MGAM: variants seen among roughly 807,000 people sequenced by gnomAD.
The protein encoded by MGAM is alpha-1,4-glucosidase.
In MGAM, 253 loss-of-function variants were observed where a neutral mutation model predicts 358.8. The ratio of observed to expected loss-of-function variants is 0.71; its 90% confidence interval spans 0.64 to 0.78. The LOEUF is 0.78. MGAM is among the 30% of genes least tolerant of loss of function. The probability of loss-of-function intolerance (pLI) is 0.00; values close to 1 mark genes in which losing one functional copy is unlikely to be tolerated. For missense variants in MGAM, 3,080 were observed against 3,432.6 expected (o/e 0.90, Z 2.57); for synonymous variants, 1,105 against 1,227.1 (o/e 0.90, Z 2.08).
chr7:142,035,344 A>G (rs1404373320), intron 16 of MGAM, among the ~76,000 whole-genome samples: 1 of 152,200 alleles, frequency 6.6e-6, no homozygotes, highest in East Asian at 1.9e-4. Flanking sequence ...CTTTGCCCCA[A>G]GGGTTTACAG....
chr7:142,086,844 G>C (rs376776643), intron 57 of MGAM, 127 bp downstream of exon 57: 4 of 437,844 alleles, frequency 9.1e-6, no homozygotes, highest in South Asian at 2.9e-5. Context: ...GGGCATGTGT[G>C]TTGGATGTCA....
chr7:141,992,067 A>G (rs144907875), upstream of MGAM, among the ~76,000 whole-genome samples: 24 of 152,298 alleles, frequency 1.6e-4, no homozygotes, highest in Non-Finnish European at 2.4e-4. Context: ...AGAGATTGGC[A>G]TATTTGAATG....
chr7:142,055,868 T>C, intron 28 of MGAM, 132 bp from the exon 29 acceptor site: 1 of 1,459,108 alleles, frequency 6.9e-7, no homozygotes, highest in Non-Finnish European at 9.3e-7. Flanking sequence ...CTCCTTTGTT[T>C]CATGTGTTTA....
Position 142,093,328 on chromosome 7 carries a change from G to C in MGAM, c.7034-84G>C. 7.6e-6 allele frequency: 11 copies of C among 1,439,054 alleles called. 1 individual carries two copies. In the South Asian group the frequency reaches 1.1e-4, roughly 14 times the overall value. The allele number at this position is 1,439,054 out of a possible 1,614,324, so 89.1% of individuals were successfully genotyped here. On this transcript the variant is annotated intron_variant, in intron 59 of 70. Coordinates refer to ENST00000475668, the MANE Select transcript of MGAM (RefSeq NM_001365693.1). ...CAGGCAGGACTGAAGTTAGTCTTAA[G>C]ATCCAGGGCCCAGTCCCTTGAAGAG...
chr7:142,041,880 ATACG>A (rs1230828256), intron 21 of MGAM, among the ~76,000 whole-genome samples: 4 of 82,268 alleles, frequency 4.9e-5, no homozygotes, highest in South Asian at 3.3e-4. Flanking sequence ...TATTATATAT[ATACG>A]TATAATATAT....
chr7:142,053,636 C>A (rs1361708547), intron 26 of MGAM, among the ~76,000 whole-genome samples: 1 of 152,118 alleles, frequency 6.6e-6, no homozygotes, highest in Non-Finnish European at 1.5e-5. Flanking sequence ...AACTAAGCTT[C>A]TCAAGGACAG....
chr7:142,066,830 A>G, intron 41 of MGAM, 109 bp downstream of exon 41: 1 of 1,281,662 alleles, frequency 7.8e-7, no homozygotes, highest in Non-Finnish European at 1.1e-6. Context: ...TGGCCTTTTG[A>G]CATGAGCTCT....
Position 142,082,091 on chromosome 7 carries a change from A to C in MGAM, c.6052A>C (p.Ile2018Leu). The C allele has an allele frequency of 6.4e-7, 1 of 1,555,746 alleles. No individual in the cohort carries two copies. The highest frequency in any genetic ancestry group is 1.3e-5 in the African/African-American group (1 of 74,574). Residue 2018 changes from isoleucine (I) to leucine (L), a missense_variant, in exon 51 of 71, where the codon ATC (isoleucine) becomes CTC (leucine). By Grantham distance (5) the Ile-to-Leu change is conservative. This residue lies in a region of MGAM where 932 missense variants were observed against 1,198.2 expected (regional missense o/e 0.78). Transcript: ENST00000475668. ...CACCTTCAATGACATGTTTATCCGC[A>C]TCTCCACCCGCCTTCCCTCCAAGTA... The part of the protein sequence containing the change: ...GFTFNDMFIR[I>L]STRLPSKYLY...
At chr7:142,074,600 A>T (rs139383156) in intron 45 of MGAM, among the ~76,000 whole-genome samples, 3 of 146,194 alleles carry the variant, frequency 2.1e-5, no homozygotes, top group African/African-American at 7.3e-5. Context: ...GTTTTAGCAT[A>T]TTTGTGGGTC....
rs556049280 is a variant in MGAM, at chr7:142,091,950, G to A, written c.6848G>A (p.Arg2283His). The A allele has an allele frequency of 2.6e-5, 39 of 1,529,076 alleles. 6 individuals carry two copies. The highest frequency in any genetic ancestry group is 2.2e-4 in the South Asian group (19 of 86,704). The allele number at this position is 1,529,076 out of a possible 1,614,324, so 94.7% of individuals were successfully genotyped here. A position where few individuals can be genotyped will look rare whatever the true frequency, so the allele number is the denominator to read the frequency against. The change falls in exon 58 of 71, where the codon CGT (arginine) becomes CAT (histidine). Residue 2283 changes from arginine (R) to histidine (H), a missense_variant. This residue lies in a region of MGAM where 932 missense variants were observed against 1,198.2 expected (regional missense o/e 0.78). Coordinates refer to ENST00000475668, the MANE Select transcript of MGAM (RefSeq NM_001365693.1). ...RAYVAFPDFF[R>H]NSTAKWWKRE... ...TATGTGGCCTTCCCAGACTTTTTCC[G>A]TAATTCAACTGCCAAGTGGTGGAAG...
At chr7:141,998,895 A>G (rs1188530572) in intron 1 of MGAM, among the ~76,000 whole-genome samples, 1 of 152,194 alleles carries the variant, frequency 6.6e-6, no homozygotes, top group Admixed American at 6.5e-5. Flanking sequence ...TCATATGTAT[A>G]TAGTAATAAT....
rs1269109301 is a variant in MGAM at position 142,070,154 on chromosome 7, C to G, written c.5062-840C>G. Among the ~76,000 whole-genome samples the G allele has an allele frequency of 2.5e-4, 36 of 142,050 alleles. 1 individual carries two copies. The highest frequency in any genetic ancestry group is 8.4e-4 in the African/African-American group (34 of 40,276). 93.2% of individuals were successfully genotyped at this position (142,050 alleles called of 152,430 possible). A position where few individuals can be genotyped will look rare whatever the true frequency, so the allele number is the denominator to read the frequency against. On this transcript the variant is annotated intron_variant, in intron 43 of 70. Coordinates refer to ENST00000475668, the MANE Select transcript of MGAM (RefSeq NM_001365693.1). ...GTTGCAGTGAGCTGAGATTGTGCCA[C>G]TGCACTCCAGCCTGGGTGACGGAAC...
intron 30 of MGAM, among the ~76,000 whole-genome samples, chr7:142,057,586 AATG>A (rs1221330923): frequency 7.4e-6 from 1 of 134,916 alleles, no homozygotes. Context: ...AGTGAAGGGT[AATG>A]ATAATGGTAA....
chr7:142,082,840 G>A (rs1397177484), intron 52 of MGAM, among the ~76,000 whole-genome samples: 4 of 146,166 alleles, frequency 2.7e-5, no homozygotes, highest in South Asian at 2.2e-4. Flanking sequence ...AGGTCAGCTC[G>A]TGAGAGCCAG....
At chr7:141,997,525 A>G (rs555010133) in intron 1 of MGAM, among the ~76,000 whole-genome samples, 1 of 152,206 alleles carries the variant, frequency 6.6e-6, no homozygotes, top group East Asian at 1.9e-4. Flanking sequence ...ATAAGCATGG[A>G]ATGGAACTAG....
rs1554461255 is a variant in MGAM at position 142,027,197 on chromosome 7, T to TC, written c.1067dup (p.Glu357ArgfsTer52). 1 of 1,613,250 alleles carries TC rather than the reference T, an allele frequency of 6.2e-7. No individual in the cohort carries two copies. Among genetic ancestry groups the TC allele is most frequent in the African/African-American group, 1.3e-5 (1 of 74,906 alleles). On this transcript the variant is annotated frameshift_variant, in exon 9 of 71. Transcript: ENST00000475668. LOFTEE classifies it high-confidence loss of function. ...ACTTCTATGTGTTCTTGGGAAACAC[T>TC]CCAGAGCAAGTTGTTCAAGAATATC... is the stretch of plus-strand genomic sequence containing the variant.
At position 142,021,730 on chromosome 7, in the gene MGAM, CGTG is replaced by C; in HGVS notation, c.704_706del (p.Arg235_Val236delinsLeu). The C allele has an allele frequency of 6.2e-7, 1 of 1,613,830 alleles. No homozygotes were observed. The highest frequency in any genetic ancestry group is 8.5e-7 in the Non-Finnish European group (1 of 1,179,782). On this transcript the variant is annotated inframe_deletion, in exon 6 of 71. Transcript: ENST00000475668. ...CAAAGTGACCAGAAGAAGCAACAATCGTGTTTTGTAAGTTTTGGAAACCTATCT... is the reference window on the plus strand; with the variant it reads ...CAAAGTGACCAGAAGAAGCAACAATCTTTTGTAAGTTTTGGAAACCTATCT...
chr7:142,090,745 G>A lies in MGAM; in HGVS notation c.6811-1168G>A, dbSNP rs115520013. ...CTTACAATGGTGTGATTGTCATAAA[G>A]GAGGCTATTTACTGAGACATACAAA... On this transcript the variant is annotated intron_variant, in intron 57 of 70. Coordinates refer to ENST00000475668, the MANE Select transcript of MGAM (RefSeq NM_001365693.1). 4.1e-3 allele frequency among the ~76,000 whole-genome samples: 594 copies of A among 146,412 alleles called. 16 individuals carry two copies. Among genetic ancestry groups the A allele is most frequent in the African/African-American group, 0.013 (554 of 41,174 alleles).
At chr7:142,086,796 G>C in intron 57 of MGAM, 79 bp downstream of exon 57, 1 of 700,324 alleles carries the variant, frequency 1.4e-6, no homozygotes, top group African/African-American at 2.7e-5. Flanking sequence ...GGACATGCCT[G>C]TACTGTGGAC....
Sources: gnomAD v4.1 joint callset for allele counts (sites outside exome capture counted in the v4.1 genomes callset) on GRCh38, gnomAD v4.1.1 for gene constraint, gnomAD v4.1.1 regional missense constraint, MANE v1.5 for transcripts, NCBI Gene and HGNC (gene_info 2026-07-23, HGNC 2026-07-21) for gene names.